IDNK: variants seen among roughly 807,000 people sequenced by gnomAD.
IDNK encodes the protein IDNK gluconokinase.
A neutral mutation model predicts 13.0 loss-of-function variants in IDNK; 9 were observed. That is an observed-to-expected ratio of 0.69 (90% CI 0.42 to 1.21). The LOEUF is 1.21. Ranked by LOEUF, IDNK falls within the 50% of genes most tolerant of loss-of-function variation. IDNK has a pLI of 0.00. For synonymous variants in IDNK, 92 were observed against 94.9 expected, an observed-to-expected ratio of 0.97 and a Z score of 0.18; for missense variants, 210 against 237.8, an observed-to-expected ratio of 0.88 and a Z score of 0.77.
At chr9:83,629,930 T>A (rs943954263) in intron 3 of IDNK, among the ~76,000 whole-genome samples, 6 of 152,170 alleles carry the variant, frequency 3.9e-5, no homozygotes, top group African/African-American at 1.2e-4. Flanking sequence ...TCCCCTAGAG[T>A]GTCTCACACC....
chr9:83,643,755 T>C lies in IDNK; in HGVS notation c.539T>C (p.Ile180Thr). Reference sequence around the variant, plus strand: ...AATGTTTCAGAGATAATTGCTACAATTATGGAAACCCTAAAAATGAAATGA... The same window carrying C: ...AATGTTTCAGAGATAATTGCTACAACTATGGAAACCCTAAAAATGAAATGA... ...DKNVSEIIAT[I>T]METLKMK Residue 180 changes from isoleucine (I) to threonine (T), a missense_variant, in exon 5 of 5, where the codon ATT becomes ACT. Coordinates refer to ENST00000376419, the MANE Select transcript of IDNK (RefSeq NM_001001551.4). The C allele has an allele frequency of 6.2e-7, 1 of 1,610,474 alleles. No homozygotes were observed. Among genetic ancestry groups the C allele is most frequent in the Non-Finnish European group, 8.5e-7 (1 of 1,177,984 alleles).
At chr9:83,632,929 A>G (rs1207345270) in intron 3 of IDNK, among the ~76,000 whole-genome samples, 1 of 152,216 alleles carries the variant, frequency 6.6e-6, no homozygotes, top group Non-Finnish European at 1.5e-5. Flanking sequence ...TTTGGAGCTC[A>G]TGTGTCTAGG....
intron 3 of IDNK, among the ~76,000 whole-genome samples, chr9:83,639,259 T>G (rs1453120427): frequency 6.6e-6 from 1 of 152,206 alleles, no homozygotes; most frequent in African/African-American, 2.4e-5. Context: ...TTAAGTAATA[T>G]ACAACAAAAG....
intron 1 of IDNK, chr9:83,626,755 T>C (rs967643996): frequency 5.9e-6 from 7 of 1,194,358 alleles, no homozygotes; most frequent in Admixed American, 3.3e-5. Flanking sequence ...TGCACACTTC[T>C]GGCTTCACCA....
intron 3 of IDNK, among the ~76,000 whole-genome samples, chr9:83,635,809 A>G (rs1161271173): frequency 6.6e-6 from 1 of 152,236 alleles, no homozygotes; most frequent in Non-Finnish European, 1.5e-5. Context: ...CATAATTTCT[A>G]TGATTTGAAG....
At chr9:83,632,873 T>C (rs1002989817) in intron 3 of IDNK, among the ~76,000 whole-genome samples, 4 of 152,210 alleles carry the variant, frequency 2.6e-5, no homozygotes, top group Non-Finnish European at 5.9e-5. Flanking sequence ...ATTTCTTCAC[T>C]GTAGAGAGAT....
At chr9:83,638,532 C>T (rs1831221220) in intron 3 of IDNK, among the ~76,000 whole-genome samples, 1 of 152,112 alleles carries the variant, frequency 6.6e-6, no homozygotes, top group African/African-American at 2.4e-5. Flanking sequence ...TAGGTAGTAA[C>T]AACTTTTCCA....
At chr9:83,639,034 A>G (rs1175210438) in intron 3 of IDNK, among the ~76,000 whole-genome samples, 2 of 152,220 alleles carry the variant, frequency 1.3e-5, no homozygotes, top group African/African-American at 2.4e-5. Flanking sequence ...AAAAATTGAC[A>G]TGTACTAGAC....
At chr9:83,633,247 G>A (rs1339888581) in intron 3 of IDNK, among the ~76,000 whole-genome samples, 2 of 152,200 alleles carry the variant, frequency 1.3e-5, no homozygotes, top group African/African-American at 4.8e-5. Context: ...GCTGAGGCGG[G>A]AGAATGGCGT....
chr9:83,635,901 C>T (rs1321267200), intron 3 of IDNK, among the ~76,000 whole-genome samples: 1 of 152,188 alleles, frequency 6.6e-6, no homozygotes, highest in Non-Finnish European at 1.5e-5. Flanking sequence ...CGGGCCAGTA[C>T]ATGCCACATT....
chr9:83,636,882 G>A (rs1244362483), intron 3 of IDNK, among the ~76,000 whole-genome samples: 2 of 152,166 alleles, frequency 1.3e-5, no homozygotes, highest in Non-Finnish European at 2.9e-5. Context: ...AAGTATATGT[G>A]GGACATTTAT....
intron 3 of IDNK, among the ~76,000 whole-genome samples, chr9:83,638,948 T>G (rs556990005): frequency 6.6e-6 from 1 of 152,292 alleles, no homozygotes; most frequent in South Asian, 2.1e-4. Flanking sequence ...TATAGAAGAT[T>G]TGAATAAATG....
intron 1 of IDNK, among the ~76,000 whole-genome samples, chr9:83,625,496 TG>T (rs955438017): frequency 2.6e-5 from 4 of 152,218 alleles, no homozygotes; most frequent in Admixed American, 6.5e-5. Flanking sequence ...ATAAAGAAGC[TG>T]GCCAAGAACT....
chr9:83,639,400 T>A lies in IDNK; in HGVS notation c.169-2148T>A, dbSNP rs557553486. Among the ~76,000 whole-genome samples the A allele has an allele frequency of 2.6e-4, 40 of 152,030 alleles. No individual in the cohort carries two copies. In the South Asian group the frequency reaches 8.3e-3, roughly 32 times the overall value. ...GTTGCTCAGTTCAAGTAGAAAAAAA[T>A]AAATGCAGGAAATAACAGAAATGAA... is the stretch of plus-strand genomic sequence containing the variant. On this transcript the variant is annotated intron_variant, in intron 3 of 4. Coordinates refer to ENST00000376419, the MANE Select transcript of IDNK (RefSeq NM_001001551.4).
At chr9:83,624,256 C>G (rs534483482) in intron 1 of IDNK, among the ~76,000 whole-genome samples, 2 of 152,134 alleles carry the variant, frequency 1.3e-5, no homozygotes, top group Non-Finnish European at 2.9e-5. Context: ...GTGAAGAGCC[C>G]TAGGTCTTGG....
intron 3 of IDNK, among the ~76,000 whole-genome samples, chr9:83,629,538 GCC>G (rs969191239): frequency 2.0e-5 from 3 of 152,270 alleles, no homozygotes; most frequent in African/African-American, 7.2e-5. Context: ...GCCTCTTCCA[GCC>G]CCTCCCACTG....
At chr9:83,625,312 TCA>T (rs1188449280) in intron 1 of IDNK, among the ~76,000 whole-genome samples, 8 of 152,238 alleles carry the variant, frequency 5.3e-5, no homozygotes, top group African/African-American at 1.9e-4. Flanking sequence ...CCTCAGAAGC[TCA>T]GTGTGGGATA....
At chr9:83,631,134 C>T (rs1424165436) in intron 3 of IDNK, among the ~76,000 whole-genome samples, 3 of 152,068 alleles carry the variant, frequency 2.0e-5, no homozygotes, top group East Asian at 1.9e-4. Context: ...CCACCCTCCC[C>T]GCACTGCCCC....
chr9:83,633,588 A>C (rs1587612906), intron 3 of IDNK, among the ~76,000 whole-genome samples: 2 of 152,250 alleles, frequency 1.3e-5, no homozygotes, highest in East Asian at 3.8e-4. Flanking sequence ...CATGAATTTA[A>C]ACTCTTTCAA....
Sources: gnomAD v4.1 joint callset for allele counts (sites outside exome capture counted in the v4.1 genomes callset) on GRCh38, gnomAD v4.1.1 for gene constraint, MANE v1.5 for transcripts, NCBI Gene and HGNC (gene_info 2026-07-23, HGNC 2026-07-21) for gene names.